The following CST9 variants were observed in gnomAD, a reference collection of about 807,000 sequenced individuals.
CST9 encodes cystatin 9.
Under a neutral mutation model 7.7 loss-of-function variants are expected in CST9, and 11 were observed. The ratio of observed to expected loss-of-function variants is 1.44; its 90% CI spans 0.90 to 2.38. CST9 has a LOEUF of 2.38. Ranked by LOEUF, CST9 falls within the 30% of genes most tolerant of loss-of-function variation. CST9 has a pLI of 0.00. For synonymous variants in CST9, 71 were observed against 74.3 expected (o/e 0.96, Z 0.23); for missense variants, 214 against 199.1 (o/e 1.07, Z -0.45).
In CST9 at chr20:23,603,280, A is replaced by G. The variant is rs757420756; in HGVS notation, c.*230T>C. On this transcript the variant is annotated 3_prime_UTR_variant, in exon 2 of 2. Coordinates refer to ENST00000376971, the MANE Select transcript of CST9 (RefSeq NM_001008693.3). ...AAAAGTACCCACAGACATTGTCACC[A>G]TTGTCTCCAGGCTCTTTCTCTAGAA... is the stretch of plus-strand genomic sequence containing the variant. The G allele has an allele frequency of 1.4e-6, 2 of 1,403,342 alleles. No homozygotes were observed. The highest frequency in any genetic ancestry group is 1.9e-6 in the Non-Finnish European group (2 of 1,080,700). The allele number at this position is 1,403,342 out of a possible 1,614,324, so 86.9% of individuals were successfully genotyped here.
Position 23,603,482 on chromosome 20 carries a change from G to A in CST9, c.*28C>T. 6.2e-7 allele frequency: 1 copy of A among 1,611,422 alleles called. No homozygotes were observed. ...TGGGCTTCCCACTAAGGCACAAGCAGGGCAGCCTGGTACAGCCTGCTGTGG... is the reference window on the plus strand; with the variant it reads ...TGGGCTTCCCACTAAGGCACAAGCAAGGCAGCCTGGTACAGCCTGCTGTGG... On this transcript the variant is annotated 3_prime_UTR_variant, in exon 2 of 2. Coordinates refer to ENST00000376971, the MANE Select transcript of CST9 (RefSeq NM_001008693.3).
In CST9 at chr20:23,602,712, G is replaced by T. The variant is rs1048846956; in HGVS notation, c.*798C>A. On this transcript the variant is annotated 3_prime_UTR_variant, in exon 2 of 2. Transcript: ENST00000376971. ...TTTCAACAGTGAAGAAGCAGCTGAA[G>T]GTCCGAGGGAACAAACAGGAAGAGA... is the stretch of plus-strand genomic sequence containing the variant. The T allele has an allele frequency of 2.0e-6, 2 of 985,726 alleles. No individual in the cohort carries two copies. The highest frequency in any genetic ancestry group is 2.4e-6 in the Non-Finnish European group (2 of 830,178). The allele number at this position is 985,726 out of a possible 1,614,324, so 61.1% of individuals were successfully genotyped here. A position where few individuals can be genotyped will look rare whatever the true frequency, so the allele number is the denominator to read the frequency against.
chr20:23,604,152 C>G (rs1291870125), intron 1 of CST9, among the ~76,000 whole-genome samples: 1 of 152,166 alleles, frequency 6.6e-6, no homozygotes, highest in African/African-American at 2.4e-5. Context: ...CAGAGGGAGC[C>G]TCATCTACAG....
At position 23,603,306 on chromosome 20, in the gene CST9, G is replaced by A. The variant is rs1482917250; in HGVS notation, c.*204C>T. The A allele has an allele frequency of 7.0e-6, 10 of 1,426,884 alleles. No individual in the cohort carries two copies. The highest frequency in any genetic ancestry group is 4.6e-6 in the Non-Finnish European group (5 of 1,095,526). 88.4% of individuals were successfully genotyped at this position (1,426,884 alleles called of 1,614,324 possible). A position where few individuals can be genotyped will look rare whatever the true frequency, so the allele number is the denominator to read the frequency against. On this transcript the variant is annotated 3_prime_UTR_variant, in exon 2 of 2. Coordinates refer to ENST00000376971, the MANE Select transcript of CST9 (RefSeq NM_001008693.3). Reference sequence around the variant, plus strand: ...TTGTCTCCAGGCTCTTTCTCTAGAAGGCAGGGAAGAAGTGGGGAGGAAGAC... The same window carrying A: ...TTGTCTCCAGGCTCTTTCTCTAGAAAGCAGGGAAGAAGTGGGGAGGAAGAC...
chr20:23,603,250 C>T lies in CST9; in HGVS notation c.*260G>A. 3 of 1,341,456 alleles carry T rather than the reference C, an allele frequency of 2.2e-6. No individual in the cohort carries two copies. In the South Asian group the frequency reaches 4.9e-5, roughly 22 times the overall value. 83.1% of individuals were successfully genotyped at this position (1,341,456 alleles called of 1,614,324 possible). On this transcript the variant is annotated 3_prime_UTR_variant, in exon 2 of 2. Coordinates refer to ENST00000376971, the MANE Select transcript of CST9 (RefSeq NM_001008693.3). ...GGGTCTAGGGCAGGGTAGGGAAACC[C>T]TGAGAAAAGTACCCACAGACATTGT...
chr20:23,602,961 C>T lies in CST9; in HGVS notation c.*549G>A. ...GCCATGCCTCCTCCTCCAGCCCGTG[C>T]CCCTCAGGGGAACCCCAGGCTGTCC... On this transcript the variant is annotated 3_prime_UTR_variant, in exon 2 of 2. Transcript: ENST00000376971. The T allele has an allele frequency of 1.0e-6, 1 of 989,656 alleles. No homozygotes were observed. The highest frequency in any genetic ancestry group is 1.2e-6 in the Non-Finnish European group (1 of 832,924). The allele number at this position is 989,656 out of a possible 1,614,324, so 61.3% of individuals were successfully genotyped here.
Position 23,605,728 on chromosome 20 carries a change from A to G in CST9, c.137T>C (p.Met46Thr), listed in dbSNP as rs765228378. Residue 46 changes from methionine (M) to threonine (T), a missense_variant, in exon 1 of 2, where the codon ATG (methionine) becomes ACG (threonine). Transcript: ENST00000376971. ...GGCAAACTCCACTGTGGCGAGGAACATAGGATCCTGGACTATTTTATTATT... is the reference window on the plus strand; with the variant it reads ...GGCAAACTCCACTGTGGCGAGGAACGTAGGATCCTGGACTATTTTATTATT... ...GGNNKIVQDP[M>T]FLATVEFALN... 1.9e-6 allele frequency: 3 copies of G among 1,614,232 alleles called. No homozygotes were observed. Among genetic ancestry groups the G allele is most frequent in the Non-Finnish European group, 2.5e-6 (3 of 1,180,042 alleles).
intron 1 of CST9, among the ~76,000 whole-genome samples, 156 bp from the exon 2 acceptor site, chr20:23,603,890 A>T (rs1978690613): frequency 6.6e-6 from 1 of 152,204 alleles, no homozygotes; most frequent in Admixed American, 6.5e-5. Flanking sequence ...GGTGAAACCC[A>T]GGGGATCTTC....
chr20:23,604,104 G>T (rs1459966780), intron 1 of CST9, among the ~76,000 whole-genome samples: 3 of 152,178 alleles, frequency 2.0e-5, no homozygotes, highest in Non-Finnish European at 4.4e-5. Context: ...GAGGGTGTTG[G>T]ATCTCCAAGA....
Position 23,603,620 on chromosome 20 carries a change from C to T in CST9, c.370G>A (p.Val124Ile), listed in dbSNP as rs201973127. The T allele has an allele frequency of 4.3e-5, 69 of 1,614,074 alleles. 1 individual carries two copies. Among genetic ancestry groups the T allele is most frequent in the East Asian group, 2.2e-4 (10 of 44,888 alleles). The change falls in exon 2 of 2, where the codon GTA becomes ATA. Residue 124 changes from valine to isoleucine, a missense_variant. By Grantham distance (29) the Val-to-Ile change is conservative. Coordinates refer to ENST00000376971, the MANE Select transcript of CST9 (RefSeq NM_001008693.3). ...PFQESLELNN[V>I]RQGISFPQVH... ...TGAGGAAAGCTGATGCCCTGTCTTA[C>T]GTTGTTCAGCTCCAGGCTTTCTTGA...
Position 23,603,245 on chromosome 20 carries a change from A to C in CST9, c.*265T>G. ...CTTTTGGGTCTAGGGCAGGGTAGGG[A>C]AACCCTGAGAAAAGTACCCACAGAC... On this transcript the variant is annotated 3_prime_UTR_variant, in exon 2 of 2. Transcript: ENST00000376971. 1 of 1,330,136 alleles carries C rather than the reference A, an allele frequency of 7.5e-7. No homozygotes were observed. The highest frequency in any genetic ancestry group is 9.6e-7 in the Non-Finnish European group (1 of 1,036,354). The allele number at this position is 1,330,136 out of a possible 1,614,324, so 82.4% of individuals were successfully genotyped here.
In CST9 at chr20:23,602,694, A is replaced by G; in HGVS notation, c.*816T>C. 2.0e-6 allele frequency: 2 copies of G among 985,628 alleles called. No individual in the cohort carries two copies. Among genetic ancestry groups the G allele is most frequent in the Non-Finnish European group, 2.4e-6 (2 of 830,100 alleles). 61.1% of individuals were successfully genotyped at this position (985,628 alleles called of 1,614,324 possible). A position where few individuals can be genotyped will look rare whatever the true frequency, so the allele number is the denominator to read the frequency against. On this transcript the variant is annotated 3_prime_UTR_variant, in exon 2 of 2. Transcript: ENST00000376971. ...ATGTCTTCCAGGGCATGGTTTCAAC[A>G]GTGAAGAAGCAGCTGAAGGTCCGAG...
At position 23,603,567 on chromosome 20, in the gene CST9, C is replaced by A. The variant is rs372303402; in HGVS notation, c.423G>T (p.Gly141=). 3.7e-6 allele frequency: 6 copies of A among 1,614,082 alleles called. No homozygotes were observed. The highest frequency in any genetic ancestry group is 2.7e-5 in the African/African-American group (2 of 74,930). Residue 141 remains glycine (G), a synonymous_variant, in exon 2 of 2, where the codon GGG becomes GGT. Coordinates refer to ENST00000376971, the MANE Select transcript of CST9 (RefSeq NM_001008693.3). ...PQVHSCGCCM[G]CGVGTGAADK... ...CAGCTGCTCCTGTGCCCACACCACA[C>A]CCCATGCAGCATCCACAGCTGTGGA...
At position 23,603,663 on chromosome 20, in the gene CST9, G is replaced by C; in HGVS notation, c.327C>G (p.Asp109Glu). Reference sequence around the variant, plus strand: ...TTTCTTGAAAAGGGCAGTTGTCAATGTCATCTTCAAATTTCCTACATACGG... The same window carrying C: ...TTTCTTGAAAAGGGCAGTTGTCAATCTCATCTTCAAATTTCCTACATACGG... ...RQTVCRKFEDDIDNCPFQESL... is the reference protein window; with the variant it reads ...RQTVCRKFEDEIDNCPFQESL... Residue 109 changes from aspartate (D) to glutamate (E), a missense_variant, in exon 2 of 2, where the codon GAC becomes GAG. Asp to Glu is a conservative substitution (Grantham distance 45). Transcript: ENST00000376971. The C allele has an allele frequency of 6.2e-7, 1 of 1,614,240 alleles. No homozygotes were observed. Among genetic ancestry groups the C allele is most frequent in the South Asian group, 1.1e-5 (1 of 91,088 alleles).
chr20:23,605,567 G>T (rs755204651), intron 1 of CST9, 43 bp downstream of exon 1: 1 of 1,593,464 alleles, frequency 6.3e-7, no homozygotes, highest in Admixed American at 1.7e-5. Flanking sequence ...TCACTTAGGG[G>T]CAGATGGAGA....
At position 23,602,746 on chromosome 20, in the gene CST9, C is replaced by T. The variant is rs1978646098; in HGVS notation, c.*764G>A. The stretch of plus-strand genomic sequence containing the variant: ...GAACAAACAGGAAGAGACAGTAGGG[C>T]GGGGTTTGGGGAGGTTCGGGAATCT... On this transcript the variant is annotated 3_prime_UTR_variant, in exon 2 of 2. Transcript: ENST00000376971. 9 of 985,446 alleles carry T rather than the reference C, an allele frequency of 9.1e-6. No homozygotes were observed. The highest frequency in any genetic ancestry group is 1.1e-5 in the Non-Finnish European group (9 of 830,074). 61.0% of individuals were successfully genotyped at this position (985,446 alleles called of 1,614,324 possible).
chr20:23,605,491 T>G (rs1281280096), intron 1 of CST9, 119 bp downstream of exon 1: 1 of 1,173,534 alleles, frequency 8.5e-7, no homozygotes. Context: ...CGTAATTGGT[T>G]GTGGACTACC....
Position 23,605,665 on chromosome 20 carries a change from G to A in CST9, c.200C>T (p.Ala67Val). 6.2e-7 allele frequency: 1 copy of A among 1,614,100 alleles called. No homozygotes were observed. Among genetic ancestry groups the A allele is most frequent in the Non-Finnish European group, 8.5e-7 (1 of 1,180,010 alleles). Reference sequence around the variant, plus strand: ...ACTCAGGACGCGCAACAGCCTGTAGGCATGCTCCTCCTTGCTCTGCACGTT... The same window carrying A: ...ACTCAGGACGCGCAACAGCCTGTAGACATGCTCCTCCTTGCTCTGCACGTT... ...TFNVQSKEEH[A>V]YRLLRVLSSW... Residue 67 changes from alanine to valine, a missense_variant, in exon 1 of 2, where the codon GCC becomes GTC. Ala to Val is a moderately conservative substitution (Grantham distance 64). Transcript: ENST00000376971.
rs1048275676 is a variant in CST9, at chr20:23,602,581, G to C, written c.*929C>G. 40 of 474,292 alleles carry C rather than the reference G, an allele frequency of 8.4e-5. No homozygotes were observed. Among genetic ancestry groups the C allele is most frequent in the Non-Finnish European group, 1.1e-4 (40 of 363,010 alleles). The allele number at this position is 474,292 out of a possible 1,614,324, so 29.4% of individuals were successfully genotyped here. A position where few individuals can be genotyped will look rare whatever the true frequency, so the allele number is the denominator to read the frequency against. On this transcript the variant is annotated 3_prime_UTR_variant, in exon 2 of 2. Transcript: ENST00000376971. ...ACTCCTGGGAACAGCTGGTGTCCAC[G>C]GGGGAGGGGGCAGCATGTGGCCAGG...
Sources: gnomAD v4.1 joint callset for allele counts (sites outside exome capture counted in the v4.1 genomes callset) on GRCh38, gnomAD v4.1.1 for gene constraint, MANE v1.5 for transcripts, NCBI Gene and HGNC (gene_info 2026-07-23, HGNC 2026-07-21) for gene names.